Variants in PRKN observed in about 807,000 individuals in gnomAD.
PRKN encodes the protein parkin RBR E3 ubiquitin protein ligase.
PRKN carries 56 observed loss-of-function variants against 59.5 expected under a neutral mutation model. That is an observed-to-expected ratio of 0.94 (90% CI 0.76 to 1.18). PRKN has a LOEUF of 1.18. PRKN is among the 50% of genes most tolerant of loss of function. PRKN has a pLI of 0.00. For missense variants in PRKN, 657 were observed against 596.4 expected, an observed-to-expected ratio of 1.10 and a Z score of -1.06; for synonymous variants, 250 against 222.1, an observed-to-expected ratio of 1.13 and a Z score of -1.12.
At chr6:161,723,909 G>A (rs1020271917) in intron 7 of PRKN, among the ~76,000 whole-genome samples, 1 of 152,166 alleles carries the variant, frequency 6.6e-6, no homozygotes, top group African/African-American at 2.4e-5. Context: ...ACAGTAGGGG[G>A]CTCGGTCTTC....
chr6:162,647,840 A>G (rs1444270613), intron 1 of PRKN, among the ~76,000 whole-genome samples: 1 of 150,546 alleles, frequency 6.6e-6, no homozygotes, highest in Non-Finnish European at 1.5e-5. Context: ...CACTTTATCT[A>G]TCACTCCTCT....
In PRKN at chr6:161,357,182, G is replaced by T. The variant is rs900834765; in HGVS notation, c.1285+2906C>A. On this transcript the variant is annotated intron_variant, in intron 11 of 11. Transcript: ENST00000366898. This position sits in a 1 kb window ranked among gnomAD's most constrained non-coding sequence, Gnocchi z 5.5. ...TTCTCCTGCCTCAGGTTCCCAAGCA[G>T]TTGGGACTACAGGCATGTACCACCA... is the stretch of plus-strand genomic sequence containing the variant. Among the ~76,000 whole-genome samples, 1 of 151,570 alleles carries T rather than the reference G, an allele frequency of 6.6e-6. No individual in the cohort carries two copies. Among genetic ancestry groups the T allele is most frequent in the South Asian group, 2.1e-4 (1 of 4,800 alleles).
At chr6:162,085,378 T>C (rs1212750908) in intron 4 of PRKN, among the ~76,000 whole-genome samples, 1 of 152,030 alleles carries the variant, frequency 6.6e-6, no homozygotes, top group Non-Finnish European at 1.5e-5. Context: ...AATCTAGATA[T>C]GATTTCAAAT....
intron 7 of PRKN, among the ~76,000 whole-genome samples, chr6:161,668,260 T>G (rs970874028): frequency 7.3e-6 from 1 of 137,624 alleles, no homozygotes; most frequent in Non-Finnish European, 1.6e-5. Flanking sequence ...AGGTTTTTCA[T>G]ATAAAGAAAA....
At chr6:162,137,594 G>C (rs548808255) in intron 4 of PRKN, among the ~76,000 whole-genome samples, 30 of 152,316 alleles carry the variant, frequency 2.0e-4, no homozygotes, top group African/African-American at 7.2e-4. Flanking sequence ...CAGCTCTGGG[G>C]ACTGGGAGGT....
At chr6:162,153,051 G>C (rs1017715897) in intron 4 of PRKN, among the ~76,000 whole-genome samples, 1 of 152,194 alleles carries the variant, frequency 6.6e-6, no homozygotes, top group African/African-American at 2.4e-5. Context: ...TGAATTACCA[G>C]GGCTTTTAAA....
At chr6:161,685,556 T>G (rs1015701018) in intron 7 of PRKN, among the ~76,000 whole-genome samples, 1 of 152,190 alleles carries the variant, frequency 6.6e-6, no homozygotes, top group South Asian at 2.1e-4. Context: ...TCTCTTTCTA[T>G]ATAGTGCAAA....
intron 7 of PRKN, among the ~76,000 whole-genome samples, chr6:161,773,180 T>C (rs1789767279): frequency 6.6e-6 from 1 of 152,244 alleles, no homozygotes; most frequent in South Asian, 2.1e-4. Flanking sequence ...TTTCTATAAC[T>C]ATGCAAATCT....
At chr6:162,225,593 T>C (rs1261717295) in intron 3 of PRKN, among the ~76,000 whole-genome samples, 4 of 152,158 alleles carry the variant, frequency 2.6e-5, no homozygotes, top group African/African-American at 7.2e-5. Context: ...ATCTCTGCTG[T>C]GCACATCTCC....
In PRKN at chr6:161,360,260, G is replaced by A. The variant is rs1784924698; in HGVS notation, c.1168-55C>T. Reference sequence around the variant, plus strand: ...TCTCAGCTTTCTATTACTGGGATCAGAGTTTATGTTCCCTGTACGTCGGTA... The same window carrying A: ...TCTCAGCTTTCTATTACTGGGATCAAAGTTTATGTTCCCTGTACGTCGGTA... On this transcript the variant is annotated intron_variant, in intron 10 of 11. Coordinates refer to ENST00000366898, the MANE Select transcript of PRKN (RefSeq NM_004562.3). The surrounding 1 kb of genome is among the most constrained non-coding windows in gnomAD (Gnocchi z 5.1). The A allele has an allele frequency of 7.4e-7, 1 of 1,343,210 alleles. No individual in the cohort carries two copies. The highest frequency in any genetic ancestry group is 1.1e-6 in the Non-Finnish European group (1 of 932,252). The allele number at this position is 1,343,210 out of a possible 1,614,324, so 83.2% of individuals were successfully genotyped here. A position where few individuals can be genotyped will look rare whatever the true frequency, so the allele number is the denominator to read the frequency against.
intron 5 of PRKN, among the ~76,000 whole-genome samples, chr6:162,027,487 A>G (rs1022920292): frequency 2.0e-5 from 3 of 152,166 alleles, no homozygotes; most frequent in African/African-American, 7.2e-5. Flanking sequence ...TAGAAAAACC[A>G]GTCCTCAGGC....
At chr6:161,590,325 C>T (rs187459230) in intron 7 of PRKN, among the ~76,000 whole-genome samples, 45 of 152,028 alleles carry the variant, frequency 3.0e-4, no homozygotes, top group Middle Eastern at 6.8e-3. Context: ...TGGTTGGGTA[C>T]GGTGGATCAC....
intron 6 of PRKN, among the ~76,000 whole-genome samples, chr6:161,843,057 T>C (rs930853889): frequency 6.6e-6 from 1 of 152,220 alleles, no homozygotes; most frequent in Non-Finnish European, 1.5e-5. Flanking sequence ...GACAGCCTGC[T>C]ACTGTATTTA....
intron 4 of PRKN, among the ~76,000 whole-genome samples, chr6:162,113,623 G>A (rs1265940982): frequency 6.6e-6 from 1 of 152,150 alleles, no homozygotes; most frequent in Non-Finnish European, 1.5e-5. Context: ...ATGTCTGAAA[G>A]TCAAATACTT....
chr6:162,054,332 C>CTT (rs1777771688), intron 4 of PRKN, among the ~76,000 whole-genome samples, 158 bp from the exon 5 acceptor site: 1 of 152,294 alleles, frequency 6.6e-6, no homozygotes, highest in South Asian at 2.1e-4. Flanking sequence ...CCCCGTGACC[C>CTT]TTTCAAGGGA....
At chr6:162,548,942 G>A (rs1779227032) in intron 1 of PRKN, among the ~76,000 whole-genome samples, 1 of 152,104 alleles carries the variant, frequency 6.6e-6, no homozygotes, top group South Asian at 2.1e-4. Context: ...ACAGGAGGTG[G>A]GAATTCTTGG....
intron 7 of PRKN, among the ~76,000 whole-genome samples, chr6:161,633,428 AAAGTC>A (rs1381978528): frequency 2.0e-5 from 3 of 152,202 alleles, no homozygotes; most frequent in Admixed American, 6.5e-5. Context: ...ACATCCGTTA[AAAGTC>A]AGGAGCATTC....
intron 9 of PRKN, among the ~76,000 whole-genome samples, chr6:161,437,736 C>G (rs78556852): frequency 0.01 from 1,559 of 152,244 alleles, 11 homozygotes; most frequent in Non-Finnish European, 0.014. Context: ...TTAAATAATG[C>G]CTTTCTCAAA....
intron 6 of PRKN, among the ~76,000 whole-genome samples, chr6:161,931,027 T>G (rs1230545000): frequency 6.6e-6 from 1 of 152,234 alleles, no homozygotes; most frequent in Non-Finnish European, 1.5e-5. Flanking sequence ...ATAATATACA[T>G]GTGTTATTTT....
Sources: allele counts gnomAD v4.1 joint callset (sites outside exome capture counted in the v4.1 genomes callset), GRCh38; gene constraint gnomAD v4.1.1; non-coding constraint Gnocchi (gnomAD v3.1); transcripts MANE v1.5; gene names NCBI Gene and HGNC (gene_info 2026-07-23, HGNC 2026-07-21).